The following TOX variants were observed in gnomAD, a reference collection of about 807,000 sequenced individuals.
TOX encodes thymocyte selection associated high mobility group box.
TOX carries 11 observed loss-of-function variants against 53.7 expected under a neutral mutation model. The observed-to-expected ratio is 0.20, with a 90% CI of 0.13 to 0.34. The LOEUF (loss-of-function observed/expected upper bound fraction) is 0.34, where lower values mean the gene tolerates loss of function less well. Ranked by LOEUF, TOX falls within the 10% of genes least tolerant of loss-of-function variation. The probability of loss-of-function intolerance (pLI) is 1.00; values close to 1 mark genes in which losing one functional copy is unlikely to be tolerated. For missense variants in TOX, 570 were observed against 664.6 expected (o/e 0.86, Z 1.56); for synonymous variants, 225 against 245.3 (o/e 0.92, Z 0.77).
At position 58,878,230 on chromosome 8, in the gene TOX, T is replaced by C. The variant is rs561186548; in HGVS notation, c.412-26425A>G. Among the ~76,000 whole-genome samples, 102 of 151,316 alleles carry C rather than the reference T, an allele frequency of 6.7e-4. 3 individuals carry two copies. The South Asian group carries it at 0.021, about 31-fold the overall frequency. On this transcript the variant is annotated intron_variant, in intron 3 of 8. Transcript: ENST00000361421. Reference sequence around the variant, plus strand: ...GAAAAAAAAAAAAAGAGAGAGAATCTAAAAACTCCTTTGCTCTCCCTAGTT... The same window carrying C: ...GAAAAAAAAAAAAAGAGAGAGAATCCAAAAACTCCTTTGCTCTCCCTAGTT...
At chr8:58,961,899 C>G (rs563977077) in intron 1 of TOX, among the ~76,000 whole-genome samples, 2 of 152,344 alleles carry the variant, frequency 1.3e-5, no homozygotes, top group African/African-American at 4.8e-5. Context: ...AAGAGCCTCA[C>G]TGTGCATTTC....
chr8:58,877,693 A>C (rs532090230), intron 3 of TOX, among the ~76,000 whole-genome samples: 1 of 152,324 alleles, frequency 6.6e-6, no homozygotes, highest in East Asian at 1.9e-4. Flanking sequence ...TTCACAAAAC[A>C]AACAGTCTCT....
chr8:59,084,044 A>T (rs1431768478), intron 1 of TOX, among the ~76,000 whole-genome samples: 1 of 152,194 alleles, frequency 6.6e-6, no homozygotes, highest in African/African-American at 2.4e-5. Context: ...TGCTCAGGTT[A>T]TAAAGAAATG....
rs188693016 is a variant in TOX at position 58,939,554 on chromosome 8, G to T, written c.169-10C>A. Reference sequence around the variant, plus strand: ...TTGGACCAGGGTAGGACTGTGAAAAGACAAAAGTGACATTGTTGCAAATTA... The same window carrying T: ...TTGGACCAGGGTAGGACTGTGAAAATACAAAAGTGACATTGTTGCAAATTA... On this transcript the variant is annotated splice_polypyrimidine_tract_variant and intron_variant, in intron 2 of 8. Coordinates refer to ENST00000361421, the MANE Select transcript of TOX (RefSeq NM_014729.3). 19 of 1,595,190 alleles carry T rather than the reference G, an allele frequency of 1.2e-5. No individual in the cohort carries two copies. In the East Asian group the frequency reaches 4.0e-4, roughly 34 times the overall value.
intron 1 of TOX, among the ~76,000 whole-genome samples, chr8:59,033,779 T>C (rs930126301): frequency 1.3e-5 from 2 of 152,190 alleles, no homozygotes; most frequent in African/African-American, 4.8e-5. Flanking sequence ...CTGGAATGTA[T>C]TTAAAGACTG....
At chr8:58,873,421 T>G (rs938219689) in intron 3 of TOX, among the ~76,000 whole-genome samples, 9 of 152,248 alleles carry the variant, frequency 5.9e-5, no homozygotes. Flanking sequence ...AGACAAAGTT[T>G]CATATCTGTT....
intron 6 of TOX, among the ~76,000 whole-genome samples, chr8:58,824,972 T>C (rs1252173957): frequency 6.6e-6 from 1 of 152,204 alleles, no homozygotes; most frequent in Admixed American, 6.5e-5. Context: ...TTAAATCTTT[T>C]AGAATAGGGA....
chr8:58,869,124 A>C (rs1187114285), intron 3 of TOX, among the ~76,000 whole-genome samples: 1 of 151,416 alleles, frequency 6.6e-6, no homozygotes, highest in Non-Finnish European at 1.5e-5. Context: ...CTACTCAGGA[A>C]ACTAAGGCAA....
intron 2 of TOX, among the ~76,000 whole-genome samples, chr8:58,948,195 T>A (rs1473466441): frequency 6.6e-6 from 1 of 152,154 alleles, no homozygotes; most frequent in African/African-American, 2.4e-5. Context: ...CTTTGAGGAT[T>A]CAGGGATTAC....
At chr8:58,931,197 T>C (rs1585908070) in intron 3 of TOX, among the ~76,000 whole-genome samples, 1 of 152,286 alleles carries the variant, frequency 6.6e-6, no homozygotes, top group South Asian at 2.1e-4. Flanking sequence ...TCAATGATGC[T>C]ATTAAGGACC....
rs560478337 is a variant in TOX, at chr8:58,851,158, GTCTCTCTCTCTC to G, written c.693+354_693+365del. On this transcript the variant is annotated intron_variant, in intron 4 of 8. Coordinates refer to ENST00000361421, the MANE Select transcript of TOX (RefSeq NM_014729.3). The surrounding 1 kb of genome is among the most constrained non-coding windows in gnomAD (Gnocchi z 4.4). ...CACCATACATCTCCTCTCTCTCTCT[GTCTCTCTCTCTC>G]TCTCTCTCTCTCTCTCACACACACA... is the stretch of plus-strand genomic sequence containing the variant. 5.9e-5 allele frequency among the ~76,000 whole-genome samples: 7 copies of G among 118,214 alleles called. No individual in the cohort carries two copies. The highest frequency in any genetic ancestry group is 2.9e-4 in the South Asian group (1 of 3,480). 77.6% of individuals were successfully genotyped at this position (118,214 alleles called of 152,430 possible). A position where few individuals can be genotyped will look rare whatever the true frequency, so the allele number is the denominator to read the frequency against.
intron 1 of TOX, among the ~76,000 whole-genome samples, chr8:59,004,430 G>C (rs1813749855): frequency 6.6e-6 from 1 of 152,102 alleles, no homozygotes; most frequent in Non-Finnish European, 1.5e-5. Context: ...TTTGTGGTTG[G>C]TTAGCTTTTA....
intron 4 of TOX, among the ~76,000 whole-genome samples, chr8:58,844,243 C>T (rs1396802075): frequency 6.6e-6 from 1 of 152,072 alleles, no homozygotes; most frequent in Non-Finnish European, 1.5e-5. Flanking sequence ...TGGCTATAGG[C>T]CACTTGTAAT....
intron 6 of TOX, among the ~76,000 whole-genome samples, chr8:58,820,883 T>A (rs1344351488): frequency 6.6e-6 from 1 of 152,178 alleles, no homozygotes; most frequent in Non-Finnish European, 1.5e-5. Flanking sequence ...TGAAACTAGT[T>A]CCATTGCTCT....
At chr8:59,033,033 CAAAAAAAAAA>C (rs34575165) in intron 1 of TOX, among the ~76,000 whole-genome samples, 5 of 104,740 alleles carry the variant, frequency 4.8e-5, no homozygotes, top group African/African-American at 1.6e-4. Flanking sequence ...AACTCCAACT[CAAAAAAAAAA>C]AAAGAAAAGA....
intron 2 of TOX, among the ~76,000 whole-genome samples, chr8:58,942,127 A>G (rs1182050331): frequency 6.6e-6 from 1 of 151,924 alleles, no homozygotes; most frequent in African/African-American, 2.4e-5. Flanking sequence ...GCAATAATGG[A>G]GAAAGATGTT....
intron 1 of TOX, among the ~76,000 whole-genome samples, chr8:58,985,482 G>A (rs1813310633): frequency 6.6e-6 from 1 of 152,162 alleles, no homozygotes; most frequent in South Asian, 2.1e-4. Flanking sequence ...TAGAATGGCA[G>A]TTGTCAGGGG....
intron 1 of TOX, among the ~76,000 whole-genome samples, chr8:59,058,541 G>A (rs78128908): frequency 0.011 from 1,616 of 152,198 alleles, 19 homozygotes; most frequent in African/African-American, 0.036. Context: ...ACTAAGTTCC[G>A]GAAGAAGGCA....
At chr8:58,982,290 G>A (rs1813220269) in intron 1 of TOX, among the ~76,000 whole-genome samples, 1 of 152,104 alleles carries the variant, frequency 6.6e-6, no homozygotes, top group South Asian at 2.1e-4. Flanking sequence ...CCTTACTCCT[G>A]AGTGCTCCCC....
Sources: allele counts gnomAD v4.1 joint callset (sites outside exome capture counted in the v4.1 genomes callset), GRCh38; gene constraint gnomAD v4.1.1; non-coding constraint Gnocchi (gnomAD v3.1); transcripts MANE v1.5; gene names NCBI Gene and HGNC (gene_info 2026-07-23, HGNC 2026-07-21).